Variants in CCDC149 observed in about 807,000 individuals in gnomAD.
CCDC149 encodes the protein coiled-coil domain-containing protein 149.
A neutral mutation model predicts 59.9 loss-of-function variants in CCDC149; 45 were observed. The ratio of observed to expected loss-of-function variants is 0.75; its 90% CI spans 0.59 to 0.96. The LOEUF (loss-of-function observed/expected upper bound fraction) is 0.96, where lower values mean the gene tolerates loss of function less well. Ranked by LOEUF, CCDC149 falls within the 40% of genes least tolerant of loss-of-function variation. The pLI, the probability that CCDC149 is intolerant of heterozygous loss-of-function variation, is 0.00. For synonymous variants in CCDC149, 245 were observed against 260.6 expected (o/e 0.94, Z 0.58); for missense variants, 584 against 664.7 (o/e 0.88, Z 1.33).
intron 4 of CCDC149, among the ~76,000 whole-genome samples, chr4:24,847,747 C>A (rs1172594191): frequency 6.6e-6 from 1 of 152,194 alleles, no homozygotes; most frequent in Non-Finnish European, 1.5e-5. Flanking sequence ...AAACCTGGGT[C>A]TGACAATCTT....
intron 1 of CCDC149, among the ~76,000 whole-genome samples, chr4:24,954,044 C>T (rs1380727429): frequency 6.6e-6 from 1 of 151,784 alleles, no homozygotes; most frequent in Non-Finnish European, 1.5e-5. Context: ...CCTAAAGAAC[C>T]TATAGGACAC....
intron 9 of CCDC149, chr4:24,828,682 G>A (rs934550667): frequency 2.0e-5 from 3 of 152,184 alleles, no homozygotes; most frequent in Admixed American, 2.0e-4. Context: ...AAGGGAGGCT[G>A]AGGCACATGA....
intron 1 of CCDC149, among the ~76,000 whole-genome samples, chr4:24,903,666 C>G (rs190580364): frequency 1.1e-4 from 17 of 152,242 alleles, no homozygotes; most frequent in South Asian, 2.1e-4. Flanking sequence ...GTCATGTAAC[C>G]ATCATCACAA....
chr4:24,853,314 T>C (rs1049973128), intron 3 of CCDC149, 135 bp from the exon 4 acceptor site: 2 of 682,922 alleles, frequency 2.9e-6, no homozygotes, highest in Middle Eastern at 2.9e-4. Context: ...AACACATATA[T>C]GAATGCAGCC....
At chr4:24,953,450 G>A (rs7687669) in intron 1 of CCDC149, among the ~76,000 whole-genome samples, 26,943 of 152,112 alleles carry the variant, frequency 0.18, 3,221 homozygotes, top group African/African-American at 0.33. Context: ...ACAACTGCCT[G>A]TACTAGCAAA....
intron 1 of CCDC149, among the ~76,000 whole-genome samples, chr4:24,949,261 G>A (rs570187060): frequency 8.5e-5 from 13 of 152,188 alleles, no homozygotes; most frequent in African/African-American, 2.2e-4. Context: ...AGATGCACTC[G>A]GAGACTTCTT....
intron 1 of CCDC149, among the ~76,000 whole-genome samples, chr4:24,934,390 G>A (rs1258184695): frequency 6.6e-6 from 1 of 152,176 alleles, no homozygotes; most frequent in African/African-American, 2.4e-5. Flanking sequence ...TTCCACCAGT[G>A]TTGTGAGGCC....
chr4:24,969,434 A>G (rs1271726798), intron 1 of CCDC149, among the ~76,000 whole-genome samples: 1 of 152,200 alleles, frequency 6.6e-6, no homozygotes, highest in Admixed American at 6.5e-5. Context: ...ACTGGAAAAC[A>G]GGTACAATAA....
At chr4:24,844,923 C>G (rs911761064) in intron 4 of CCDC149, among the ~76,000 whole-genome samples, 1 of 152,192 alleles carries the variant, frequency 6.6e-6, no homozygotes, top group African/African-American at 2.4e-5. Context: ...TTAAGTCCAC[C>G]AAGCACCCTT....
chr4:24,903,528 A>C (rs929620196), intron 1 of CCDC149, among the ~76,000 whole-genome samples: 2 of 152,344 alleles, frequency 1.3e-5, no homozygotes, highest in African/African-American at 4.8e-5. Flanking sequence ...TCTCTGTAGC[A>C]ATAGCTAACT....
chr4:24,879,888 C>A (rs930556129), intron 1 of CCDC149, among the ~76,000 whole-genome samples: 1 of 152,236 alleles, frequency 6.6e-6, no homozygotes, highest in Admixed American at 6.5e-5. Context: ...GCTCTGGAAG[C>A]CTCAAGCTGC....
chr4:24,980,026 A>G (rs1294956117), intron 1 of CCDC149: 5 of 152,264 alleles, frequency 3.3e-5, no homozygotes, highest in African/African-American at 9.6e-5. Context: ...AATTGTGTCC[A>G]TAAATAACGA....
intron 1 of CCDC149, among the ~76,000 whole-genome samples, chr4:24,931,829 G>GTATATATATATATACATATATATATATA (rs1722598178): frequency 1.3e-5 from 1 of 76,908 alleles, no homozygotes; most frequent in African/African-American, 6.1e-5. Flanking sequence ...TGGAGAGTAT[G>GTATATATATATATACATATATATATATA]TATATATATA....
intron 1 of CCDC149, among the ~76,000 whole-genome samples, chr4:24,958,789 C>A (rs995884048): frequency 2.0e-5 from 3 of 151,982 alleles, no homozygotes; most frequent in Non-Finnish European, 4.4e-5. Flanking sequence ...CCCAGCACTT[C>A]GGGAGACTGA....
chr4:24,952,680 A>G (rs894351721), intron 1 of CCDC149, among the ~76,000 whole-genome samples: 7 of 142,502 alleles, frequency 4.9e-5, no homozygotes, highest in East Asian at 4.1e-4. Flanking sequence ...TAAAAGACAC[A>G]TAACAAAAAA....
chr4:24,966,807 T>A (rs552974985), intron 1 of CCDC149, among the ~76,000 whole-genome samples: 1 of 152,148 alleles, frequency 6.6e-6, no homozygotes, highest in East Asian at 1.9e-4. Context: ...CAGGTAGAAA[T>A]GTAGAGCCTT....
chr4:24,811,670 C>G (rs1178846574), intron 12 of CCDC149, among the ~76,000 whole-genome samples: 2 of 152,078 alleles, frequency 1.3e-5, no homozygotes, highest in Non-Finnish European at 2.9e-5. Context: ...GTCAGGAGTT[C>G]AAGACCATTC....
At position 24,853,338 on chromosome 4, in the gene CCDC149, C is replaced by T. The variant is rs141507026; in HGVS notation, c.265-159G>A. On this transcript the variant is annotated intron_variant, in intron 3 of 12. Transcript: ENST00000635206. ...ATGAATGCAGCCAGTGTGTGAATCA[C>T]ACCACTACAATGGCACGCAGGAAAA... The T allele has an allele frequency of 6.3e-5, 40 of 630,902 alleles. No homozygotes were observed. The Middle Eastern group carries it at 1.4e-3, about 23-fold the overall frequency. The allele number at this position is 630,902 out of a possible 1,614,324, so 39.1% of individuals were successfully genotyped here.
intron 3 of CCDC149, among the ~76,000 whole-genome samples, chr4:24,859,012 A>T (rs1718206656): frequency 6.6e-6 from 1 of 152,232 alleles, no homozygotes; most frequent in Non-Finnish European, 1.5e-5. Flanking sequence ...TTTACACTAC[A>T]GATGTGACAT....
Sources: gnomAD v4.1 joint callset for allele counts (sites outside exome capture counted in the v4.1 genomes callset) on GRCh38, gnomAD v4.1.1 for gene constraint, MANE v1.5 for transcripts, NCBI Gene and HGNC (gene_info 2026-07-23, HGNC 2026-07-21) for gene names.